KIF23: variants seen among roughly 807,000 people sequenced by gnomAD.
The protein encoded by KIF23 is kinesin family member 23, also known as kinesin-like protein KIF23.
KIF23 carries 30 observed loss-of-function variants against 137.5 expected under a neutral mutation model. The observed-to-expected ratio is 0.22, with a 90% CI of 0.16 to 0.30. KIF23 has a LOEUF of 0.30. Among genes scored for constraint, KIF23 ranks in the 10% least tolerant of loss-of-function variants. KIF23 has a pLI of 1.00. For missense variants in KIF23, 920 were observed against 1,194.3 expected (o/e 0.77, Z 3.38); for synonymous variants, 367 against 391.1 (o/e 0.94, Z 0.73).
intron 2 of KIF23, among the ~76,000 whole-genome samples, chr15:69,416,315 T>C (rs1595973074): frequency 6.6e-6 from 1 of 152,216 alleles, no homozygotes; most frequent in East Asian, 1.9e-4. Context: ...GTAATTATAA[T>C]TTGGAGAGTT....
In KIF23 at chr15:69,436,728, G is replaced by C. The variant is rs1427749441; in HGVS notation, c.1597+6G>C. Reference sequence around the variant, plus strand: ...TGATGAGTTTAACAAACAATGTAAGGGCAAAACTATTTGAAATAATTTTAT... The same window carrying C: ...TGATGAGTTTAACAAACAATGTAAGCGCAAAACTATTTGAAATAATTTTAT... On this transcript the variant is annotated splice_donor_region_variant and intron_variant, in intron 15 of 23. Transcript: ENST00000679126. 6.8e-7 allele frequency: 1 copy of C among 1,479,232 alleles called. No individual in the cohort carries two copies. Among genetic ancestry groups the C allele is most frequent in the East Asian group, 2.4e-5 (1 of 41,758 alleles). 91.6% of individuals were successfully genotyped at this position (1,479,232 alleles called of 1,614,324 possible). A position where few individuals can be genotyped will look rare whatever the true frequency, so the allele number is the denominator to read the frequency against.
Position 69,422,005 on chromosome 15 carries a change from A to C in KIF23, c.330A>C (p.Thr110=), listed in dbSNP as rs766423729. 2.3e-5 allele frequency: 37 copies of C among 1,613,916 alleles called. No homozygotes were observed. Among genetic ancestry groups the C allele is most frequent in the Non-Finnish European group, 2.9e-5 (34 of 1,179,978 alleles). The part of the protein sequence containing the change: ...LIHGKNGLLF[T]YGVTGSGKTH... ...GCTACACTGTAGGTCTTCTTTTTAC[A>C]TATGGTGTGACGGGAAGTGGAAAAA... The change falls in exon 5 of 24, where the codon ACA becomes ACC. Residue 110 remains threonine, a synonymous_variant. Coordinates refer to ENST00000679126, the MANE Select transcript of KIF23 (RefSeq NM_001367805.3).
intron 15 of KIF23, among the ~76,000 whole-genome samples, 196 bp downstream of exon 15, chr15:69,436,918 C>A (rs1407998069): frequency 6.6e-6 from 1 of 152,148 alleles, no homozygotes; most frequent in East Asian, 1.9e-4. Context: ...CCACGCCTGG[C>A]TAATTTTTGT....
intron 11 of KIF23, among the ~76,000 whole-genome samples, chr15:69,430,128 G>A (rs1010630481): frequency 2.6e-5 from 4 of 152,134 alleles, no homozygotes; most frequent in African/African-American, 4.8e-5. Flanking sequence ...CTAGAGATGG[G>A]AAAATTCTGA....
At chr15:69,430,912 G>T (rs1374330825) in intron 11 of KIF23, among the ~76,000 whole-genome samples, 1 of 152,164 alleles carries the variant, frequency 6.6e-6, no homozygotes, top group African/African-American at 2.4e-5. Flanking sequence ...GAGCCAGATT[G>T]GTTGGACTCT....
Position 69,439,986 on chromosome 15 carries a change from A to G in KIF23, c.1838A>G (p.Lys613Arg), listed in dbSNP as rs763993582. The G allele has an allele frequency of 4.3e-6, 7 of 1,614,000 alleles. No homozygotes were observed. In the South Asian group the frequency reaches 6.6e-5, roughly 15 times the overall value. The stretch of plus-strand genomic sequence containing the variant: ...CAGGAACTTGAAACTCAGAACCAGA[A>G]ACTTCAGCGACAGTTTTCTGACAAA... ...LQQELETQNQ[K>R]LQRQFSDKRR... is the part of the protein sequence containing the mutation. Residue 613 changes from lysine to arginine, a missense_variant, in exon 17 of 24, where the codon AAA becomes AGA. Transcript: ENST00000679126.
In KIF23 at chr15:69,414,653, G is replaced by A. The variant is rs371906990; in HGVS notation, c.11+177G>A. 565 of 633,542 alleles carry A rather than the reference G, an allele frequency of 8.9e-4. 3 individuals carry two copies. The African/African-American group carries it at 9.6e-3, about 11-fold the overall frequency. 39.2% of individuals were successfully genotyped at this position (633,542 alleles called of 1,614,324 possible). On this transcript the variant is annotated intron_variant, in intron 1 of 23. Coordinates refer to ENST00000679126, the MANE Select transcript of KIF23 (RefSeq NM_001367805.3). Reference sequence around the variant, plus strand: ...GAACCTCCACGTGTGGCCGCTCCGCGGGAGCCTGGGCGCGGAGACCCCTGC... The same window carrying A: ...GAACCTCCACGTGTGGCCGCTCCGCAGGAGCCTGGGCGCGGAGACCCCTGC...
chr15:69,414,743 G>C (rs2056850168), intron 1 of KIF23: 1 of 381,424 alleles, frequency 2.6e-6, no homozygotes, highest in African/African-American at 2.1e-5. Flanking sequence ...CCGGAGCCGG[G>C]GTTGTTTTAC....
rs751464502 is a variant in KIF23, at chr15:69,436,576, C to T, written c.1451C>T (p.Thr484Ile). 11 of 1,607,158 alleles carry T rather than the reference C, an allele frequency of 6.8e-6. No individual in the cohort carries two copies. ...RGPVGNEPLVTDVVLQSFPPL... is the reference protein window; with the variant it reads ...RGPVGNEPLVIDVVLQSFPPL... ...TAATTCAATACAGAACCATTGGTTA[C>T]TGACGTGGTTTTGCAGAGTTTTCCA... The change falls in exon 15 of 24, where the codon ACT becomes ATT. Residue 484 changes from threonine (T) to isoleucine (I), a missense_variant. Around this residue, in one of 4 missense-constraint regions of KIF23, gnomAD observed 714 missense variants for 866.2 expected, o/e 0.82. Transcript: ENST00000679126.
chr15:69,425,331 A>G lies in KIF23; in HGVS notation c.776+8A>G. On this transcript the variant is annotated splice_region_variant and intron_variant, in intron 8 of 23. Transcript: ENST00000679126. ...GAGGAACACAGATTTTGTGTATGTG[A>G]TGGTGTTGGCTCTTTTCTTAAGGAG... 6 of 1,535,376 alleles carry G rather than the reference A, an allele frequency of 3.9e-6. No individual in the cohort carries two copies. Among genetic ancestry groups the G allele is most frequent in the Non-Finnish European group, 5.2e-6 (6 of 1,146,306 alleles).
chr15:69,433,785 T>C (rs1302077823), intron 11 of KIF23, among the ~76,000 whole-genome samples: 1 of 152,176 alleles, frequency 6.6e-6, no homozygotes, highest in African/African-American at 2.4e-5. Context: ...AGCACACTTA[T>C]TTGGAAAACA....
At chr15:69,439,441 AG>A (rs1344230869) in intron 16 of KIF23, among the ~76,000 whole-genome samples, 2 of 152,194 alleles carry the variant, frequency 1.3e-5, no homozygotes, top group Admixed American at 1.3e-4. Context: ...CGATTGTAAA[AG>A]TATAAACTCA....
chr15:69,434,223 G>A (rs2057419178), intron 11 of KIF23, among the ~76,000 whole-genome samples: 1 of 152,292 alleles, frequency 6.6e-6, no homozygotes. Context: ...GAAAACTCTA[G>A]AACATTTGGT....
At chr15:69,428,381 C>T (rs914224338) in intron 10 of KIF23, among the ~76,000 whole-genome samples, 5 of 151,766 alleles carry the variant, frequency 3.3e-5, no homozygotes, top group African/African-American at 9.7e-5. Flanking sequence ...ATTTGCTGGG[C>T]GTGGTGGCTC....
chr15:69,419,989 G>C (rs1227121211), intron 3 of KIF23, among the ~76,000 whole-genome samples: 2 of 152,182 alleles, frequency 1.3e-5, no homozygotes, highest in Non-Finnish European at 2.9e-5. Flanking sequence ...TTGCTGCCGG[G>C]CATGATGGTT....
At chr15:69,428,515 C>T (rs2057263226) in intron 10 of KIF23, among the ~76,000 whole-genome samples, 1 of 151,372 alleles carries the variant, frequency 6.6e-6, no homozygotes, top group Non-Finnish European at 1.5e-5. Context: ...AAAAAATGAG[C>T]TGGGCATGGT....
chr15:69,427,867 C>T (rs1421569617), intron 10 of KIF23, among the ~76,000 whole-genome samples: 1 of 152,142 alleles, frequency 6.6e-6, no homozygotes, highest in East Asian at 1.9e-4. Context: ...ATAATAAAAC[C>T]TCCTTATAAG....
Position 69,435,753 on chromosome 15 carries a change from A to G in KIF23, c.1296A>G (p.Glu432=). The stretch of plus-strand genomic sequence containing the variant: ...TCGTGTGTGTGAACCCCAAGGCTGA[A>G]GATTATGAAGAAAACTTGGTAATTT... ...RMIVCVNPKA[E]DYEENLQVMR... is the part of the protein sequence containing the mutation. Residue 432 remains glutamate (E), a synonymous_variant, in exon 13 of 24, where the codon GAA becomes GAG. Coordinates refer to ENST00000679126, the MANE Select transcript of KIF23 (RefSeq NM_001367805.3). The G allele has an allele frequency of 6.2e-7, 1 of 1,613,910 alleles. No homozygotes were observed. Among genetic ancestry groups the G allele is most frequent in the African/African-American group, 1.3e-5 (1 of 75,028 alleles).
At chr15:69,446,250 A>T in intron 21 of KIF23, 33 bp from the exon 22 acceptor site, 1 of 1,592,902 alleles carries the variant, frequency 6.3e-7, no homozygotes, top group South Asian at 1.1e-5. Context: ...TAGATGGAAA[A>T]ATAATTGTTG....
Sources: allele counts gnomAD v4.1 joint callset (sites outside exome capture counted in the v4.1 genomes callset), GRCh38; gene constraint gnomAD v4.1.1; regional missense constraint gnomAD v4.1.1; transcripts MANE v1.5; gene names NCBI Gene and HGNC (gene_info 2026-07-23, HGNC 2026-07-21).